The following ASIP variants were observed in gnomAD, a reference collection of about 807,000 sequenced individuals.
ASIP encodes agouti signaling protein.
Under a neutral mutation model 10.3 loss-of-function variants are expected in ASIP, and 11 were observed. That is an observed-to-expected ratio of 1.07 (90% CI 0.68 to 1.78). The LOEUF (loss-of-function observed/expected upper bound fraction) is 1.78. Among genes scored for constraint, ASIP ranks in the 40% most tolerant of loss-of-function variants. ASIP has a pLI of 0.00. For synonymous variants in ASIP, 70 were observed against 70.8 expected (o/e 0.99, Z 0.06); for missense variants, 180 against 169.2 (o/e 1.06, Z -0.35).
At chr20:34,263,012 A>G in intron 3 of ASIP, 119 bp downstream of exon 3, 1 of 1,130,940 alleles carries the variant, frequency 8.8e-7, no homozygotes, top group African/African-American at 1.6e-5. Flanking sequence ...TATATTAACA[A>G]AAGAAACTGA....
upstream of ASIP, among the ~76,000 whole-genome samples, chr20:34,191,730 CTT>C (rs58407816): frequency 4.2e-3 from 531 of 125,092 alleles, 2 homozygotes; most frequent in Non-Finnish European, 6.7e-3. Context: ...CTCTCTCTCT[CTT>C]TTTTTTTTTT....
chr20:34,198,241 C>T (rs2034871282), intron 1 of ASIP, among the ~76,000 whole-genome samples: 1 of 151,872 alleles, frequency 6.6e-6, no homozygotes, highest in African/African-American at 2.4e-5. Flanking sequence ...AGCTACATGC[C>T]ACCACACCCA....
intron 1 of ASIP, among the ~76,000 whole-genome samples, chr20:34,201,008 C>T (rs1353958339): frequency 1.3e-5 from 1 of 75,394 alleles, no homozygotes; most frequent in Admixed American, 1.4e-4. Flanking sequence ...TTCCTTCCTT[C>T]CTTCCTTCCT....
chr20:34,189,061 G>A, the ASIP span, among the ~76,000 whole-genome samples: 24 of 152,148 alleles, frequency 1.6e-4, no homozygotes, highest in African/African-American at 5.3e-4. Context: ...TGACACTATC[G>A]AGTGCTGTCA....
At chr20:34,223,098 G>A (rs1158528290) in intron 1 of ASIP, among the ~76,000 whole-genome samples, 1 of 151,666 alleles carries the variant, frequency 6.6e-6, no homozygotes, top group Non-Finnish European at 1.5e-5. Flanking sequence ...CATCATCTGG[G>A]ATGTGAGGAG....
At chr20:34,188,983 A>G in the ASIP span, among the ~76,000 whole-genome samples, 1 of 152,232 alleles carries the variant, frequency 6.6e-6, no homozygotes. Flanking sequence ...CTAAAGAGTC[A>G]TTTTAATGGT....
intron 1 of ASIP, among the ~76,000 whole-genome samples, chr20:34,246,833 C>T (rs1007356093): frequency 1.3e-5 from 2 of 152,104 alleles, no homozygotes; most frequent in African/African-American, 4.8e-5. Context: ...TCCCACAACT[C>T]TTCTATTTAT....
At chr20:34,268,464 T>G (rs933540965) in intron 3 of ASIP, among the ~76,000 whole-genome samples, 3 of 152,144 alleles carry the variant, frequency 2.0e-5, no homozygotes, top group African/African-American at 7.2e-5. Context: ...ACGCCTGTAA[T>G]GTAAACCCAG....
intron 1 of ASIP, among the ~76,000 whole-genome samples, chr20:34,249,343 A>G (rs2035435741): frequency 6.8e-6 from 1 of 147,150 alleles, no homozygotes; most frequent in South Asian, 2.3e-4. Context: ...CCACTGAGAT[A>G]TCCGATGCCC....
chr20:34,186,877 G>C, the ASIP span, among the ~76,000 whole-genome samples: 7 of 152,100 alleles, frequency 4.6e-5, no homozygotes, highest in Admixed American at 4.6e-4. Flanking sequence ...GCAGTGGTGC[G>C]ATCTTGGCTC....
chr20:34,264,184 C>T (rs2035745975), intron 3 of ASIP, among the ~76,000 whole-genome samples: 1 of 152,108 alleles, frequency 6.6e-6, no homozygotes, highest in South Asian at 2.1e-4. Context: ...TACACACAGA[C>T]AGTACATACC....
intron 1 of ASIP, among the ~76,000 whole-genome samples, chr20:34,202,878 G>A (rs1236743336): frequency 1.4e-5 from 2 of 141,836 alleles, no homozygotes; most frequent in Admixed American, 7.8e-5. Context: ...GCATGATCTC[G>A]GCTCACTGCA....
chr20:34,256,439 T>G (rs932156471), intron 1 of ASIP, among the ~76,000 whole-genome samples: 2 of 152,202 alleles, frequency 1.3e-5, no homozygotes, highest in Non-Finnish European at 1.5e-5. Context: ...ACAGACCCAG[T>G]AGGGCTGGAC....
At chr20:34,217,662 C>G (rs886410170) in intron 1 of ASIP, among the ~76,000 whole-genome samples, 1 of 151,890 alleles carries the variant, frequency 6.6e-6, no homozygotes, top group Non-Finnish European at 1.5e-5. Context: ...CTTGGGTTCA[C>G]GCCATTCTCC....
intron 3 of ASIP, among the ~76,000 whole-genome samples, chr20:34,266,603 A>G (rs2035790560): frequency 6.6e-6 from 1 of 151,730 alleles, no homozygotes. Flanking sequence ...AACCCGGGAG[A>G]TGAAGGTTGC....
chr20:34,264,588 T>C (rs568690809), intron 3 of ASIP, among the ~76,000 whole-genome samples: 81 of 152,296 alleles, frequency 5.3e-4, no homozygotes, highest in Non-Finnish European at 9.4e-4. Flanking sequence ...ACTTGATTGA[T>C]ACTATAGGTT....
intron 1 of ASIP, among the ~76,000 whole-genome samples, chr20:34,200,237 G>A (rs1400939162): frequency 6.6e-6 from 1 of 152,110 alleles, no homozygotes; most frequent in Non-Finnish European, 1.5e-5. Flanking sequence ...TTCACCCGAT[G>A]AGCATTTCTT....
chr20:34,253,740 G>A (rs1225251612), intron 1 of ASIP, among the ~76,000 whole-genome samples: 2 of 152,100 alleles, frequency 1.3e-5, no homozygotes, highest in Non-Finnish European at 2.9e-5. Context: ...CAAAGTGCTG[G>A]GCTTATAGGC....
chr20:34,201,647 C>T (rs1030780333), intron 1 of ASIP, among the ~76,000 whole-genome samples: 17 of 152,162 alleles, frequency 1.1e-4, no homozygotes, highest in African/African-American at 3.9e-4. Context: ...GAGCCGGAGC[C>T]ATATACCTGG....
Sources: allele counts gnomAD v4.1 joint callset (sites outside exome capture counted in the v4.1 genomes callset), GRCh38; gene constraint gnomAD v4.1.1; transcripts MANE v1.5; gene names NCBI Gene and HGNC (gene_info 2026-07-23, HGNC 2026-07-21).